Variants in CACNA1E observed in about 807,000 individuals in gnomAD.
CACNA1E encodes the protein calcium voltage-gated channel subunit alpha1 E.
A neutral mutation model predicts 259.2 loss-of-function variants in CACNA1E; 40 were observed. That is an observed-to-expected ratio of 0.15 (90% CI 0.12 to 0.20). The LOEUF is 0.20. Ranked by LOEUF, CACNA1E falls within the 10% of genes least tolerant of loss-of-function variation. The pLI is 1.00. For missense variants in CACNA1E, 1,874 were observed against 3,040.1 expected, an observed-to-expected ratio of 0.62 and a Z score of 9.02; for synonymous variants, 1,104 against 1,138.5, an observed-to-expected ratio of 0.97 and a Z score of 0.61.
At chr1:181,443,018 T>C (rs1437279721) in intron 2 of CACNA1E, among the ~76,000 whole-genome samples, 1 of 152,172 alleles carries the variant, frequency 6.6e-6, no homozygotes, top group African/African-American at 2.4e-5. Flanking sequence ...CAAATGGAGA[T>C]AAGCTGGCCC....
chr1:181,513,970 C>T (rs1050056024), intron 3 of CACNA1E, among the ~76,000 whole-genome samples: 1 of 152,202 alleles, frequency 6.6e-6, no homozygotes, highest in Non-Finnish European at 1.5e-5. Context: ...TGCTCCTGCT[C>T]CTCCTCCAGA....
chr1:181,449,128 C>A (rs773722610), intron 2 of CACNA1E, among the ~76,000 whole-genome samples: 19 of 152,192 alleles, frequency 1.2e-4, no homozygotes, highest in Non-Finnish European at 1.8e-4. Context: ...AACACCCCAG[C>A]AGTGTGTTAA....
intron 7 of CACNA1E, among the ~76,000 whole-genome samples, chr1:181,687,719 T>C (rs1230099280): frequency 6.6e-6 from 1 of 152,200 alleles, no homozygotes; most frequent in Non-Finnish European, 1.5e-5. Flanking sequence ...TCATCTACAA[T>C]AGTATATGGT....
At chr1:181,793,922 C>T in intron 45 of CACNA1E, 129 bp downstream of exon 45, 7 of 1,013,694 alleles carry the variant, frequency 6.9e-6, no homozygotes, top group Non-Finnish European at 9.8e-6. Flanking sequence ...TAAAACCTGG[C>T]TCATGGGTCG....
At chr1:181,611,178 C>T (rs1171494068) in intron 6 of CACNA1E, among the ~76,000 whole-genome samples, 1 of 152,168 alleles carries the variant, frequency 6.6e-6, no homozygotes, top group Non-Finnish European at 1.5e-5. Context: ...TGTCCTTTCC[C>T]TTAGAACCTT....
At chr1:181,596,670 A>G (rs1653208130) in intron 6 of CACNA1E, among the ~76,000 whole-genome samples, 1 of 151,940 alleles carries the variant, frequency 6.6e-6, no homozygotes, top group Non-Finnish European at 1.5e-5. Context: ...TGGTCCATCC[A>G]GATCACTCGT....
intron 6 of CACNA1E, among the ~76,000 whole-genome samples, chr1:181,609,694 C>G (rs1454688953): frequency 1.3e-5 from 2 of 152,156 alleles, no homozygotes; most frequent in Admixed American, 1.3e-4. Context: ...TCATTAAGCA[C>G]TATGTTTAGC....
intron 7 of CACNA1E, among the ~76,000 whole-genome samples, chr1:181,683,288 C>G (rs1294506751): frequency 6.6e-6 from 1 of 152,204 alleles, no homozygotes; most frequent in African/African-American, 2.4e-5. Flanking sequence ...CAACAACAGG[C>G]AGTGGAAGAG....
chr1:181,425,909 C>T (rs535034837), intron 2 of CACNA1E, among the ~76,000 whole-genome samples: 1 of 152,176 alleles, frequency 6.6e-6, no homozygotes, highest in South Asian at 2.1e-4. Context: ...TGCAGACCCT[C>T]TGCAGCTGTG....
intron 1 of CACNA1E, among the ~76,000 whole-genome samples, chr1:181,342,597 T>A (rs1652250684): frequency 6.6e-6 from 1 of 152,204 alleles, no homozygotes; most frequent in African/African-American, 2.4e-5. Flanking sequence ...TGCCGTCTGA[T>A]TCCATTTGTG....
intron 6 of CACNA1E, among the ~76,000 whole-genome samples, chr1:181,642,815 C>A (rs761380136): frequency 3.9e-5 from 6 of 152,246 alleles, no homozygotes; most frequent in Non-Finnish European, 5.9e-5. Context: ...GGTCAGCTGC[C>A]TCCATCCTGG....
chr1:181,382,771 A>C (rs1040731278), intron 1 of CACNA1E, among the ~76,000 whole-genome samples: 1 of 152,168 alleles, frequency 6.6e-6, no homozygotes, highest in Non-Finnish European at 1.5e-5. Flanking sequence ...CTTTAAGGGC[A>C]TGGCTTGACC....
At chr1:181,628,773 T>C (rs1656430630) in intron 6 of CACNA1E, among the ~76,000 whole-genome samples, 1 of 152,200 alleles carries the variant, frequency 6.6e-6, no homozygotes, top group African/African-American at 2.4e-5. Flanking sequence ...GTAAATGGAA[T>C]CCTTTTTTCT....
At position 181,718,657 on chromosome 1, in the gene CACNA1E, CACACACACA is replaced by C. The variant is rs1558302822; in HGVS notation, c.1638+491_1638+499del. ...ACACACACACACACACACACACACA[CACACACACA>C]CCCTTATATTAGCAAGTCCTCACAG... is the stretch of plus-strand genomic sequence containing the variant. On this transcript the variant is annotated intron_variant, in intron 12 of 47. Coordinates refer to ENST00000367573, the MANE Select transcript of CACNA1E (RefSeq NM_001205293.3). Among the ~76,000 whole-genome samples, 578 of 150,974 alleles carry C rather than the reference CACACACACA, an allele frequency of 3.8e-3. 8 individuals carry two copies. Among genetic ancestry groups the C allele is most frequent in the African/African-American group, 0.013 (513 of 40,922 alleles).
At chr1:181,444,936 CTG>C (rs1156986064) in intron 2 of CACNA1E, among the ~76,000 whole-genome samples, 1 of 151,212 alleles carries the variant, frequency 6.6e-6, no homozygotes, top group Non-Finnish European at 1.5e-5. Flanking sequence ...TCTTCTCTCT[CTG>C]TAAATTTTTT....
At chr1:181,388,135 G>A (rs574641419) in intron 1 of CACNA1E, among the ~76,000 whole-genome samples, 2 of 152,318 alleles carry the variant, frequency 1.3e-5, no homozygotes, top group Admixed American at 1.3e-4. Flanking sequence ...GGTGGTCTTA[G>A]CAGAGCAGCC....
At chr1:181,719,902 A>G in intron 13 of CACNA1E, 39 bp downstream of exon 13, 1 of 1,174,514 alleles carries the variant, frequency 8.5e-7, no homozygotes, top group Non-Finnish European at 1.2e-6. Context: ...AATGTCTTTG[A>G]GAGTAGAACC....
intron 35 of CACNA1E, among the ~76,000 whole-genome samples, chr1:181,767,740 G>C (rs1032228067): frequency 2.0e-5 from 3 of 152,230 alleles, no homozygotes; most frequent in African/African-American, 7.2e-5. Context: ...TTGAGAAGTA[G>C]TGGGTTCTCC....
chr1:181,732,525 G>T lies in CACNA1E; in HGVS notation c.2439G>T (p.Pro813=). The T allele has an allele frequency of 6.4e-7, 1 of 1,551,294 alleles. No homozygotes were observed. Among genetic ancestry groups the T allele is most frequent in the Non-Finnish European group, 8.7e-7 (1 of 1,146,806 alleles). The part of the protein sequence containing the change: ...PTMNPLNPLN[P]LSSLNPLNAH... ...TGAACCCGCTCAACCCCCTCAACCC[G>T]CTCAGCTCCCTCAACCCGCTCAATG... The change falls in exon 20 of 48, where the codon CCG becomes CCT. Residue 813 remains proline (P), a synonymous_variant. Coordinates refer to ENST00000367573, the MANE Select transcript of CACNA1E (RefSeq NM_001205293.3). The surrounding 1 kb of genome is among the most constrained non-coding windows in gnomAD (Gnocchi z 5.5).
Sources: gnomAD v4.1 joint callset for allele counts (sites outside exome capture counted in the v4.1 genomes callset) on GRCh38, gnomAD v4.1.1 for gene constraint, Gnocchi (gnomAD v3.1) non-coding constraint, MANE v1.5 for transcripts, NCBI Gene and HGNC (gene_info 2026-07-23, HGNC 2026-07-21) for gene names.